Variants in GNPDA2 observed in about 807,000 individuals in gnomAD.
GNPDA2 encodes the protein glucosamine-6-phosphate deaminase 2, also known as glcN6P deaminase 2.
GNPDA2 carries 24 observed loss-of-function variants against 27.0 expected under a neutral mutation model. That is an observed-to-expected ratio of 0.89 (90% CI 0.64 to 1.25). The LOEUF (loss-of-function observed/expected upper bound fraction) is 1.25. Ranked by LOEUF, GNPDA2 falls within the 50% of genes most tolerant of loss-of-function variation. The pLI, the probability that GNPDA2 is intolerant of heterozygous loss-of-function variation, is 0.00. For synonymous variants in GNPDA2, 94 were observed against 108.4 expected (o/e 0.87, Z 0.83); for missense variants, 286 against 335.1 (o/e 0.85, Z 1.14).
intron 4 of GNPDA2, among the ~76,000 whole-genome samples, chr4:44,715,001 A>G (rs79108699): frequency 0.014 from 2,149 of 152,240 alleles, 45 homozygotes; most frequent in African/African-American, 0.049. Context: ...TGGTTAAAAA[A>G]CCAAGTCAAA....
chr4:44,718,739 GA>G (rs1036736108), intron 2 of GNPDA2, among the ~76,000 whole-genome samples: 12 of 150,954 alleles, frequency 7.9e-5, no homozygotes, highest in African/African-American at 2.7e-4. Context: ...CTCCCTTTCT[GA>G]AAAAAAAATC....
At chr4:44,709,125 GC>G (rs1716806301) in intron 5 of GNPDA2, among the ~76,000 whole-genome samples, 1 of 152,016 alleles carries the variant, frequency 6.6e-6, no homozygotes, top group South Asian at 2.1e-4. Flanking sequence ...GGGACAGGTG[GC>G]AAGAAATCTC....
At chr4:44,709,685 A>AT (rs1232476514) in intron 5 of GNPDA2, among the ~76,000 whole-genome samples, 2 of 151,944 alleles carry the variant, frequency 1.3e-5, no homozygotes, top group Non-Finnish European at 2.9e-5. Flanking sequence ...ACAAAAATCT[A>AT]TAAGCTCATA....
chr4:44,712,362 G>T (rs1366306885), intron 4 of GNPDA2, among the ~76,000 whole-genome samples: 1 of 152,028 alleles, frequency 6.6e-6, no homozygotes, highest in Non-Finnish European at 1.5e-5. Flanking sequence ...GATAAAATAT[G>T]ACAAAGAGTA....
intron 4 of GNPDA2, among the ~76,000 whole-genome samples, chr4:44,713,414 T>C (rs762242722): frequency 8.5e-5 from 13 of 152,196 alleles, no homozygotes; most frequent in Non-Finnish European, 1.6e-4. Flanking sequence ...TCCAAAGACT[T>C]GGTTGTTTTA....
intron 2 of GNPDA2, among the ~76,000 whole-genome samples, chr4:44,720,638 T>C (rs1285154508): frequency 6.6e-6 from 1 of 152,090 alleles, no homozygotes; most frequent in Non-Finnish European, 1.5e-5. Flanking sequence ...CAATGCAGCC[T>C]GGTACAAGCA....
At chr4:44,703,938 A>G in intron 6 of GNPDA2, 1 of 985,034 alleles carries the variant, frequency 1.0e-6, no homozygotes, top group African/African-American at 1.7e-5. Flanking sequence ...AAATGAGTTA[A>G]GTTTTCCAGG....
At chr4:44,718,285 T>G (rs761134208) in intron 3 of GNPDA2, 24 bp downstream of exon 3, 1 of 869,046 alleles carries the variant, frequency 1.2e-6, no homozygotes, top group Admixed American at 2.7e-5. Flanking sequence ...CAAATAATGG[T>G]CAATATATTT....
intron 4 of GNPDA2, among the ~76,000 whole-genome samples, chr4:44,711,785 A>T (rs1276101187): frequency 6.7e-6 from 1 of 149,666 alleles, no homozygotes; most frequent in Non-Finnish European, 1.5e-5. Flanking sequence ...CCTTGTAAGA[A>T]ATAACATTTG....
intron 6 of GNPDA2, 116 bp downstream of exon 6, chr4:44,707,636 A>G (rs1716690678): frequency 2.6e-6 from 2 of 761,340 alleles, no homozygotes; most frequent in Admixed American, 5.3e-5. Flanking sequence ...AGAACTAGCT[A>G]TGTGTTGCCA....
At position 44,702,433 on chromosome 4, in the gene GNPDA2, GA is replaced by G; in HGVS notation, c.*647del. Reference sequence around the variant, plus strand: ...AACCCAAGTCGTTAAATAAAAATAAGATATTTGTAAAAAAGTGCTATAGAAG... The same window carrying G: ...AACCCAAGTCGTTAAATAAAAATAAGTATTTGTAAAAAAGTGCTATAGAAG... On this transcript the variant is annotated 3_prime_UTR_variant, in exon 7 of 7. Coordinates refer to ENST00000295448, the MANE Select transcript of GNPDA2 (RefSeq NM_138335.3). 8.2e-6 allele frequency: 8 copies of G among 975,278 alleles called. No homozygotes were observed. Among genetic ancestry groups the G allele is most frequent in the Non-Finnish European group, 9.7e-6 (8 of 820,608 alleles). 60.4% of individuals were successfully genotyped at this position (975,278 alleles called of 1,614,324 possible). A position where few individuals can be genotyped will look rare whatever the true frequency, so the allele number is the denominator to read the frequency against.
At chr4:44,706,072 TCTC>T (rs1354143298) in intron 6 of GNPDA2, 1 of 151,786 alleles carries the variant, frequency 6.6e-6, no homozygotes, top group Admixed American at 6.6e-5. Context: ...GTTAAATGAA[TCTC>T]CTTAAAACTG....
chr4:44,708,395 G>A (rs573738302), intron 5 of GNPDA2, among the ~76,000 whole-genome samples: 2 of 152,046 alleles, frequency 1.3e-5, no homozygotes, highest in African/African-American at 4.8e-5. Flanking sequence ...ATCAAGAAAA[G>A]CCTGAAGAGC....
chr4:44,707,532 AAT>A, intron 6 of GNPDA2: 1 of 431,470 alleles, frequency 2.3e-6, no homozygotes, highest in South Asian at 7.9e-5. Context: ...GTTTACTGAA[AAT>A]AGAGACTGAA....
At chr4:44,704,966 CTTG>C (rs1326376479) in intron 6 of GNPDA2, 34 of 984,004 alleles carry the variant, frequency 3.5e-5, no homozygotes, top group East Asian at 1.1e-4. Flanking sequence ...ACGTACTAAA[CTTG>C]TTGTCTTGTG....
rs115428642 is a variant in GNPDA2 at position 44,725,710 on chromosome 4, T to C, written c.-36+764A>G. 1.4e-3 allele frequency among the ~76,000 whole-genome samples: 208 copies of C among 152,290 alleles called. 1 individual carries two copies. Among genetic ancestry groups the C allele is most frequent in the African/African-American group, 4.5e-3 (185 of 41,554 alleles). The stretch of plus-strand genomic sequence containing the variant: ...AGTTTTTAAGATTTGACTTTTCCAG[T>C]TTTTGCCAATCCTCAGAGATCCAAA... On this transcript the variant is annotated intron_variant, in intron 1 of 6. Coordinates refer to ENST00000295448, the MANE Select transcript of GNPDA2 (RefSeq NM_138335.3).
chr4:44,724,060 C>A (rs1717855530), intron 1 of GNPDA2, among the ~76,000 whole-genome samples: 1 of 152,132 alleles, frequency 6.6e-6, no homozygotes, highest in African/African-American at 2.4e-5. Context: ...GGAGAGTAGC[C>A]TTTGGTCCTT....
rs184869865 is a variant in GNPDA2 at position 44,705,109 on chromosome 4, C to T, written c.770-1967G>A. The T allele has an allele frequency of 1.7e-5, 17 of 984,714 alleles. No individual in the cohort carries two copies. The East Asian group carries it at 1.5e-3, about 86-fold the overall frequency. 61.0% of individuals were successfully genotyped at this position (984,714 alleles called of 1,614,324 possible). On this transcript the variant is annotated intron_variant, in intron 6 of 6. Coordinates refer to ENST00000295448, the MANE Select transcript of GNPDA2 (RefSeq NM_138335.3). ...ATCTTATCTAGGCACTAAATAAAAC[C>T]CTTTAAGATTCTGGTCAGCACTTTT...
intron 3 of GNPDA2, 149 bp from the exon 4 acceptor site, chr4:44,717,444 A>G (rs890963012): frequency 3.8e-5 from 19 of 494,372 alleles, no homozygotes; most frequent in African/African-American, 3.6e-4. Flanking sequence ...ATATGATTAT[A>G]TGCCTAGTAT....
Sources: allele counts gnomAD v4.1 joint callset (sites outside exome capture counted in the v4.1 genomes callset), GRCh38; gene constraint gnomAD v4.1.1; transcripts MANE v1.5; gene names NCBI Gene and HGNC (gene_info 2026-07-23, HGNC 2026-07-21).